Variants in RPS6KA5 observed in about 807,000 individuals in gnomAD.
The protein encoded by RPS6KA5 is ribosomal protein S6 kinase A5.
In RPS6KA5, 27 loss-of-function variants were observed where a neutral mutation model predicts 85.5. That is an observed-to-expected ratio of 0.32 (90% CI 0.23 to 0.44). RPS6KA5 has a LOEUF of 0.44. RPS6KA5 is among the 20% of genes least tolerant of loss of function. The probability of loss-of-function intolerance (pLI) is 1.00; values close to 1 mark genes in which losing one functional copy is unlikely to be tolerated. For missense variants in RPS6KA5, 811 were observed against 980.9 expected (o/e 0.83, Z 2.31); for synonymous variants, 334 against 348.2 (o/e 0.96, Z 0.46).
chr14:90,937,387 C>T lies in RPS6KA5; in HGVS notation c.618+5691G>A, dbSNP rs140606576. The stretch of plus-strand genomic sequence containing the variant: ...GGAGAACAATGAGACAATAGCTAGG[C>T]GGGAATATGGTATTCTGAGATTTTT... On this transcript the variant is annotated intron_variant, in intron 5 of 16. Transcript: ENST00000614987. 7.9e-3 allele frequency among the ~76,000 whole-genome samples: 1,201 copies of T among 151,956 alleles called. 9 individuals carry two copies. The highest frequency in any genetic ancestry group is 0.011 in the Non-Finnish European group (744 of 67,984).
chr14:90,873,568 G>A lies in RPS6KA5; in HGVS notation c.2160+64C>T, dbSNP rs1595094002. 12 of 1,407,656 alleles carry A rather than the reference G, an allele frequency of 8.5e-6. No individual in the cohort carries two copies. The East Asian group carries it at 9.2e-5, about 11-fold the overall frequency. 87.2% of individuals were successfully genotyped at this position (1,407,656 alleles called of 1,614,324 possible). ...AAGAAAACGTATCTGAGGCTACAGAGTAAGAACATTTGATTATGATTCCTA... is the reference window on the plus strand; with the variant it reads ...AAGAAAACGTATCTGAGGCTACAGAATAAGAACATTTGATTATGATTCCTA... On this transcript the variant is annotated intron_variant, in intron 16 of 16. Transcript: ENST00000614987.
chr14:90,858,414 T>G lies in RPS6KA5; in HGVS notation c.*13660A>C, dbSNP rs2032386901. 6.6e-6 allele frequency: 1 copy of G among 152,172 alleles called. No individual in the cohort carries two copies. The highest frequency in any genetic ancestry group is 1.5e-5 in the Non-Finnish European group (1 of 68,034). The allele number at this position is 152,172 out of a possible 1,614,324, so 9.4% of individuals were successfully genotyped here. A position where few individuals can be genotyped will look rare whatever the true frequency, so the allele number is the denominator to read the frequency against. On this transcript the variant is annotated 3_prime_UTR_variant, in exon 17 of 17. Transcript: ENST00000614987. Reference sequence around the variant, plus strand: ...TGCTACATTTTCTAGGATTCGACATTTTCAGCGATCGAGAATTATTATACT... The same window carrying G: ...TGCTACATTTTCTAGGATTCGACATGTTCAGCGATCGAGAATTATTATACT...
chr14:90,937,735 A>G (rs534975052), intron 5 of RPS6KA5, among the ~76,000 whole-genome samples: 1 of 152,288 alleles, frequency 6.6e-6, no homozygotes, highest in Non-Finnish European at 1.5e-5. Context: ...TTGTGCAGGA[A>G]AACTCCCGTT....
intron 5 of RPS6KA5, among the ~76,000 whole-genome samples, chr14:90,940,745 A>G (rs1290822110): frequency 6.6e-6 from 1 of 152,214 alleles, no homozygotes; most frequent in African/African-American, 2.4e-5. Flanking sequence ...CAGGGCGCAC[A>G]GCAGGAGGTG....
intron 1 of RPS6KA5, among the ~76,000 whole-genome samples, chr14:91,033,932 T>C (rs113792872): frequency 0.02 from 3,015 of 152,264 alleles, 33 homozygotes; most frequent in Non-Finnish European, 0.027. Flanking sequence ...TTTAAATCTA[T>C]GAAAATGAAT....
In RPS6KA5 at chr14:90,861,892, CA is replaced by C. The variant is rs59832219; in HGVS notation, c.*10181del. On this transcript the variant is annotated 3_prime_UTR_variant, in exon 17 of 17. Transcript: ENST00000614987. ...CAGCCTGGCGACAAAGACTCCATCT[CA>C]AAAAAAAAAAAAAAAAAGGGGAAAA... is the stretch of plus-strand genomic sequence containing the variant. 2,422 of 103,646 alleles carry C rather than the reference CA, an allele frequency of 0.023. 64 individuals are homozygous for C. Among genetic ancestry groups the C allele is most frequent in the African/African-American group, 0.073 (2,141 of 29,292 alleles). The allele number at this position is 103,646 out of a possible 1,614,324, so 6.4% of individuals were successfully genotyped here. A position where few individuals can be genotyped will look rare whatever the true frequency, so the allele number is the denominator to read the frequency against.
intron 2 of RPS6KA5, among the ~76,000 whole-genome samples, chr14:90,987,996 T>C (rs964560683): frequency 1.3e-5 from 2 of 152,202 alleles, no homozygotes; most frequent in African/African-American, 4.8e-5. Flanking sequence ...TCACTACTCT[T>C]ATCTCCAGCA....
intron 1 of RPS6KA5, among the ~76,000 whole-genome samples, chr14:91,040,095 G>A (rs981403379): frequency 6.6e-6 from 1 of 152,226 alleles, no homozygotes; most frequent in African/African-American, 2.4e-5. Flanking sequence ...TGGCAGAATA[G>A]TGAATGGCAT....
intron 4 of RPS6KA5, 105 bp from the exon 5 acceptor site, chr14:90,943,290 T>C (rs765262713): frequency 4.6e-6 from 3 of 648,380 alleles, no homozygotes; most frequent in Non-Finnish European, 7.9e-6. Flanking sequence ...TTTAAGGCAT[T>C]TCCCTCCTCA....
chr14:90,983,819 C>G (rs865909645), intron 2 of RPS6KA5, among the ~76,000 whole-genome samples: 1 of 118,836 alleles, frequency 8.4e-6, no homozygotes, highest in Non-Finnish European at 1.7e-5. Flanking sequence ...CTCTCTCTGT[C>G]TCTCTCTCTC....
chr14:91,052,400 G>A (rs1481711995), intron 1 of RPS6KA5: 11 of 379,618 alleles, frequency 2.9e-5, no homozygotes, highest in East Asian at 9.0e-5. Context: ...CCCAGGAGGC[G>A]GAGGTTATAG....
At chr14:90,937,470 A>G (rs1657190764) in intron 5 of RPS6KA5, among the ~76,000 whole-genome samples, 1 of 152,180 alleles carries the variant, frequency 6.6e-6, no homozygotes, top group Admixed American at 6.5e-5. Flanking sequence ...TAAGATGGAA[A>G]GACTATGTCT....
intron 6 of RPS6KA5, 31 bp downstream of exon 6, chr14:90,923,082 T>C (rs1315679907): frequency 7.5e-6 from 11 of 1,470,044 alleles, no homozygotes; most frequent in African/African-American, 4.2e-5. Flanking sequence ...TTTATAGAAA[T>C]ACATAAAGAA....
chr14:90,933,642 T>C (rs1307810188), intron 5 of RPS6KA5, among the ~76,000 whole-genome samples: 1 of 152,202 alleles, frequency 6.6e-6, no homozygotes, highest in Non-Finnish European at 1.5e-5. Context: ...CAACCAGAAT[T>C]ATTCTTCCAA....
intron 12 of RPS6KA5, among the ~76,000 whole-genome samples, chr14:90,898,920 C>G (rs2034999016): frequency 6.6e-6 from 1 of 152,180 alleles, no homozygotes; most frequent in South Asian, 2.1e-4. Context: ...AGGCTCCAGG[C>G]TCTCTCAGTT....
chr14:91,023,109 T>C (rs1377656946), intron 1 of RPS6KA5, among the ~76,000 whole-genome samples: 1 of 148,348 alleles, frequency 6.7e-6, no homozygotes, highest in African/African-American at 2.5e-5. Context: ...AAAAGATTTG[T>C]GTACTACTCT....
intron 3 of RPS6KA5, among the ~76,000 whole-genome samples, chr14:90,974,944 A>G (rs2039497736): frequency 6.6e-6 from 1 of 152,240 alleles, no homozygotes; most frequent in African/African-American, 2.4e-5. Context: ...GGAAAGGTAG[A>G]TATCATTAAC....
intron 2 of RPS6KA5, among the ~76,000 whole-genome samples, chr14:90,983,223 G>C (rs1319978407): frequency 6.0e-5 from 9 of 150,090 alleles, no homozygotes; most frequent in African/African-American, 1.2e-4. Flanking sequence ...GTTGCAGTTA[G>C]CCAAGGTCGC....
At chr14:90,940,162 A>G (rs1040660037) in intron 5 of RPS6KA5, among the ~76,000 whole-genome samples, 1 of 152,210 alleles carries the variant, frequency 6.6e-6, no homozygotes, top group Middle Eastern at 3.2e-3. Context: ...AGGAAGAATG[A>G]GCAGACAGTC....
Sources: gnomAD v4.1 joint callset for allele counts (sites outside exome capture counted in the v4.1 genomes callset) on GRCh38, gnomAD v4.1.1 for gene constraint, MANE v1.5 for transcripts, NCBI Gene and HGNC (gene_info 2026-07-23, HGNC 2026-07-21) for gene names.